Variants in SPATS2 observed in about 807,000 individuals in gnomAD.
SPATS2 encodes spermatogenesis associated serine rich 2, also known as spermatogenesis-associated serine-rich protein 2.
In SPATS2, 38 loss-of-function variants were observed where a neutral mutation model predicts 63.7. The observed-to-expected ratio is 0.60, with a 90% CI of 0.46 to 0.78. The LOEUF is 0.78. Ranked by LOEUF, SPATS2 falls within the 30% of genes least tolerant of loss-of-function variation. The pLI is 0.00. For synonymous variants in SPATS2, 207 were observed against 232.9 expected (o/e 0.89, Z 1.01); for missense variants, 588 against 666.2 (o/e 0.88, Z 1.29).
intron 3 of SPATS2, among the ~76,000 whole-genome samples, chr12:49,482,366 A>G (rs540714513): frequency 4.4e-4 from 67 of 152,304 alleles, no homozygotes; most frequent in African/African-American, 1.5e-3. Flanking sequence ...TCTGAGGGGT[A>G]GCTGTGGGCT....
chr12:49,410,196 C>G (rs1409953228), intron 2 of SPATS2, among the ~76,000 whole-genome samples: 1 of 152,034 alleles, frequency 6.6e-6, no homozygotes, highest in Non-Finnish European at 1.5e-5. Context: ...CTGCCTCAGC[C>G]TCCTGAGTAG....
chr12:49,465,943 C>CA (rs201657441), intron 3 of SPATS2, among the ~76,000 whole-genome samples: 288 of 147,468 alleles, frequency 2.0e-3, no homozygotes, highest in African/African-American at 6.9e-3. Flanking sequence ...GACTCCATCT[C>CA]AAAAAAAAAT....
intron 6 of SPATS2, 191 bp downstream of exon 6, chr12:49,490,922 A>G (rs947749776): frequency 3.8e-6 from 2 of 525,966 alleles, no homozygotes; most frequent in East Asian, 6.8e-5. Context: ...CAGGTGGATC[A>G]CTTGAGGTCA....
At chr12:49,463,673 G>C (rs1945861431) in intron 3 of SPATS2, 2 of 152,256 alleles carry the variant, frequency 1.3e-5, no homozygotes, top group Non-Finnish European at 2.9e-5. Flanking sequence ...AGTCTAATCT[G>C]TAAATACACT....
At chr12:49,507,167 T>G (rs533406386) in intron 9 of SPATS2, among the ~76,000 whole-genome samples, 2 of 152,368 alleles carry the variant, frequency 1.3e-5, no homozygotes, top group African/African-American at 4.8e-5. Context: ...CAACTTGTAG[T>G]GCCTTGTGAT....
chr12:49,429,994 T>C (rs1045529719), intron 2 of SPATS2, among the ~76,000 whole-genome samples: 10 of 151,354 alleles, frequency 6.6e-5, no homozygotes, highest in Non-Finnish European at 1.3e-4. Flanking sequence ...TTGGCCAGGC[T>C]GGTCTTGAAC....
chr12:49,448,144 T>C (rs191602006), intron 2 of SPATS2, among the ~76,000 whole-genome samples: 7,823 of 150,046 alleles, frequency 0.052, 287 homozygotes, highest in Non-Finnish European at 0.074. Context: ...TTCTTTCTTT[T>C]TTTTTTTTTT....
intron 2 of SPATS2, chr12:49,389,600 C>CT (rs1944384082): frequency 9.1e-7 from 1 of 1,095,736 alleles, no homozygotes; most frequent in South Asian, 1.2e-5. Context: ...AGCAGAAACT[C>CT]TGATTGAGCA....
chr12:49,520,653 GAA>G (rs954100568), intron 11 of SPATS2, among the ~76,000 whole-genome samples: 1 of 152,056 alleles, frequency 6.6e-6, no homozygotes, highest in African/African-American at 2.4e-5. Flanking sequence ...ATTTTATAGA[GAA>G]AAATTATCTT....
At position 49,526,385 on chromosome 12, in the gene SPATS2, ATT is replaced by A; in HGVS notation, c.*134_*135del. On this transcript the variant is annotated 3_prime_UTR_variant, in exon 14 of 14. Transcript: ENST00000552918. ...TATCACTTTTTGTGCCATTCTAAGT[ATT>A]TTTGGTTTCTTGTCTCCTTATTTCC... 1 of 1,193,206 alleles carries A rather than the reference ATT, an allele frequency of 8.4e-7. No homozygotes were observed. Among genetic ancestry groups the A allele is most frequent in the South Asian group, 1.8e-5 (1 of 57,138 alleles). The allele number at this position is 1,193,206 out of a possible 1,614,324, so 73.9% of individuals were successfully genotyped here.
At chr12:49,424,127 C>G (rs758132652) in intron 2 of SPATS2, among the ~76,000 whole-genome samples, 1 of 151,994 alleles carries the variant, frequency 6.6e-6, no homozygotes, top group African/African-American at 2.4e-5. Context: ...CACTTGAACC[C>G]GAGAGGTGGA....
intron 10 of SPATS2, among the ~76,000 whole-genome samples, chr12:49,515,944 A>G (rs1946831234): frequency 6.6e-6 from 1 of 151,428 alleles, no homozygotes; most frequent in Non-Finnish European, 1.5e-5. Context: ...GATCGAGGCC[A>G]TCCTGGCCAA....
At chr12:49,498,141 AAAAAAT>A (rs1946496511) in intron 8 of SPATS2, among the ~76,000 whole-genome samples, 1 of 74,358 alleles carries the variant, frequency 1.3e-5, no homozygotes, top group Non-Finnish European at 2.6e-5. Context: ...CCAAAAAAAA[AAAAAAT>A]ATATATATAT....
chr12:49,375,141 AGTGTGTGTGT>A (rs10601423), intron 2 of SPATS2, among the ~76,000 whole-genome samples: 27,732 of 123,114 alleles, frequency 0.23, 3,268 homozygotes, highest in Non-Finnish European at 0.3. Flanking sequence ...CAAGTTGTGG[AGTGTGTGTGT>A]GTGTGTGTGT....
rs111788227 is a variant in SPATS2, at chr12:49,453,915, T to G, written c.-243-6855T>G. 2.3e-3 allele frequency among the ~76,000 whole-genome samples: 302 copies of G among 132,702 alleles called. 1 individual carries two copies. Among genetic ancestry groups the G allele is most frequent in the Middle Eastern group, 0.014 (3 of 210 alleles). The allele number at this position is 132,702 out of a possible 152,430, so 87.1% of individuals were successfully genotyped here. A position where few individuals can be genotyped will look rare whatever the true frequency, so the allele number is the denominator to read the frequency against. ...TCTTGCTCTGTCACCCAGGCTGGAG[T>G]GCAGTGGCATGATTTCAGCTCACTG... On this transcript the variant is annotated intron_variant, in intron 2 of 13. Coordinates refer to ENST00000552918, the MANE Select transcript of SPATS2 (RefSeq NM_023071.4).
chr12:49,406,274 T>G (rs1473315431), intron 2 of SPATS2, among the ~76,000 whole-genome samples: 1 of 151,358 alleles, frequency 6.6e-6, no homozygotes, highest in Non-Finnish European at 1.5e-5. Flanking sequence ...ATCTTTCTAG[T>G]TTTTGTAAAC....
chr12:49,379,616 T>G (rs1013647298), intron 2 of SPATS2, among the ~76,000 whole-genome samples: 3 of 148,666 alleles, frequency 2.0e-5, no homozygotes, highest in Non-Finnish European at 4.5e-5. Flanking sequence ...CACCTCTATC[T>G]AGTTCAATTT....
At chr12:49,377,482 A>G (rs1208381497) in intron 2 of SPATS2, among the ~76,000 whole-genome samples, 1 of 152,176 alleles carries the variant, frequency 6.6e-6, no homozygotes, top group East Asian at 1.9e-4. Flanking sequence ...GATTATATTC[A>G]ATTTTTATAT....
chr12:49,410,574 G>A (rs529860555), intron 2 of SPATS2, among the ~76,000 whole-genome samples: 77 of 152,220 alleles, frequency 5.1e-4, no homozygotes, highest in African/African-American at 1.8e-3. Context: ...TAAAGCTTGA[G>A]AAATCAAGAA....
Sources: allele counts gnomAD v4.1 joint callset (sites outside exome capture counted in the v4.1 genomes callset), GRCh38; gene constraint gnomAD v4.1.1; transcripts MANE v1.5; gene names NCBI Gene and HGNC (gene_info 2026-07-23, HGNC 2026-07-21).